The following JAK2 variants were observed in gnomAD, a reference collection of about 807,000 sequenced individuals.
JAK2 encodes the protein Janus kinase 2, also known as tyrosine-protein kinase JAK2.
In JAK2, 86 loss-of-function variants were observed where a neutral mutation model predicts 139.3. That is an observed-to-expected ratio of 0.62 (90% CI 0.52 to 0.74). The LOEUF is 0.74. Among genes scored for constraint, JAK2 ranks in the 30% least tolerant of loss-of-function variants. JAK2 has a pLI of 0.00. For synonymous variants in JAK2, 490 were observed against 437.7 expected (o/e 1.12, Z -1.49); for missense variants, 1,421 against 1,360.3 (o/e 1.04, Z -0.70).
At chr9:5,079,114 T>G (rs921603427) in intron 16 of JAK2, among the ~76,000 whole-genome samples, 3 of 152,208 alleles carry the variant, frequency 2.0e-5, no homozygotes, top group African/African-American at 7.2e-5. Flanking sequence ...ATGACTTATC[T>G]GACAGTGAAG....
At chr9:5,049,465 AT>A (rs1022733760) in intron 5 of JAK2, among the ~76,000 whole-genome samples, 10 of 152,044 alleles carry the variant, frequency 6.6e-5, no homozygotes, top group African/African-American at 2.2e-4. Flanking sequence ...TCCATCATAC[AT>A]TTCTTTATTT....
intron 22 of JAK2, among the ~76,000 whole-genome samples, chr9:5,092,143 C>A (rs928941807): frequency 2.0e-5 from 3 of 152,072 alleles, no homozygotes; most frequent in African/African-American, 7.2e-5. Context: ...ACGTGTAGCT[C>A]ATGAGGTGGC....
At chr9:5,021,921 C>T (rs1162868036) in intron 2 of JAK2, 42 bp from the exon 3 acceptor site, 1 of 1,216,376 alleles carries the variant, frequency 8.2e-7, no homozygotes, top group East Asian at 2.4e-5. Context: ...GTGTGAGACA[C>T]TGCGCCCAGC....
intron 8 of JAK2, among the ~76,000 whole-genome samples, chr9:5,058,707 T>C (rs1481325103): frequency 8.5e-5 from 13 of 152,204 alleles, no homozygotes; most frequent in African/African-American, 2.2e-4. Flanking sequence ...AAACTTGTTA[T>C]TTTCTGTTTT....
rs77779115 is a variant in JAK2, at chr9:5,090,534, C to A, written c.2850C>A (p.His950Gln). ...AAAAACATAAAGAACGGATAGATCACATAAAACTTCTGCAGTACACATCTC... is the reference window on the plus strand; with the variant it reads ...AAAAACATAAAGAACGGATAGATCAAATAAAACTTCTGCAGTACACATCTC... ...YLQKHKERID[H>Q]IKLLQYTSQI... Residue 950 changes from histidine to glutamine, a missense_variant, in exon 21 of 25, where the codon CAC (histidine) becomes CAA (glutamine). Transcript: ENST00000381652. 5 of 1,596,732 alleles carry A rather than the reference C, an allele frequency of 3.1e-6. No homozygotes were observed. Among genetic ancestry groups the A allele is most frequent in the Non-Finnish European group, 4.3e-6 (5 of 1,171,262 alleles).
Position 5,102,981 on chromosome 9 carries a change from A to G in JAK2, c.3059+12070A>G, listed in dbSNP as rs139857913. 1.5e-3 allele frequency among the ~76,000 whole-genome samples: 234 copies of G among 152,270 alleles called. 1 individual carries two copies. Among genetic ancestry groups the G allele is most frequent in the African/African-American group, 5.2e-3 (217 of 41,538 alleles). On this transcript the variant is annotated intron_variant, in intron 22 of 24. Transcript: ENST00000381652. ...ACCATCGATGATAGGAAGAAACAGCATCAACTAACGGGCAAAATAACCAGC... is the reference window on the plus strand; with the variant it reads ...ACCATCGATGATAGGAAGAAACAGCGTCAACTAACGGGCAAAATAACCAGC...
intron 6 of JAK2, among the ~76,000 whole-genome samples, chr9:5,053,659 T>G (rs1563960026): frequency 6.6e-6 from 1 of 152,070 alleles, no homozygotes; most frequent in Non-Finnish European, 1.5e-5. Flanking sequence ...TGGAAATGGC[T>G]ATGTACATGC....
At chr9:5,056,127 A>T (rs182200085) in intron 8 of JAK2, among the ~76,000 whole-genome samples, 1 of 152,138 alleles carries the variant, frequency 6.6e-6, no homozygotes, top group East Asian at 1.9e-4. Context: ...ATCAACAGGG[A>T]TGTATATGTG....
chr9:5,032,889 G>T (rs562405166), intron 4 of JAK2, among the ~76,000 whole-genome samples: 1 of 152,208 alleles, frequency 6.6e-6, no homozygotes, highest in Non-Finnish European at 1.5e-5. Flanking sequence ...GAACAAAGCC[G>T]GATGGAGAAT....
intron 18 of JAK2, among the ~76,000 whole-genome samples, chr9:5,081,285 T>TA (rs1336985790): frequency 2.0e-5 from 3 of 152,138 alleles, no homozygotes; most frequent in Admixed American, 1.3e-4. Context: ...AATTGACTTT[T>TA]AAAAAACAAT....
intron 2 of JAK2, among the ~76,000 whole-genome samples, chr9:5,021,628 T>C (rs1351329007): frequency 6.6e-6 from 1 of 152,186 alleles, no homozygotes; most frequent in Non-Finnish European, 1.5e-5. Context: ...ACTTTATTTA[T>C]TTATGTATTC....
intron 3 of JAK2, among the ~76,000 whole-genome samples, chr9:5,027,176 G>C (rs1587843482): frequency 6.6e-6 from 1 of 152,148 alleles, no homozygotes; most frequent in East Asian, 1.9e-4. Context: ...GCTTGAAAGA[G>C]TCTCAGCAGT....
At position 5,129,251 on chromosome 9, in the gene JAK2, C is replaced by T. The variant is rs1165483304; in HGVS notation, c.*2460C>T. Among the ~76,000 whole-genome samples, 2 of 152,024 alleles carry T rather than the reference C, an allele frequency of 1.3e-5. No homozygotes were observed. The highest frequency in any genetic ancestry group is 1.3e-4 in the Admixed American group (2 of 15,270). Reference sequence around the variant, plus strand: ...AGCCTATGTTAATTTCTTTAGCATGCTCCCCCTAAATTGAAATAGTGATGT... The same window carrying T: ...AGCCTATGTTAATTTCTTTAGCATGTTCCCCCTAAATTGAAATAGTGATGT... On this transcript the variant is annotated 3_prime_UTR_variant, in exon 25 of 25. Coordinates refer to ENST00000381652, the MANE Select transcript of JAK2 (RefSeq NM_004972.4).
intron 2 of JAK2, among the ~76,000 whole-genome samples, chr9:5,019,637 A>T (rs1406676474): frequency 6.6e-6 from 1 of 152,166 alleles, no homozygotes; most frequent in African/African-American, 2.4e-5. Context: ...CTTCTTTGAT[A>T]TCCACACATC....
chr9:5,025,854 A>C (rs1215028570), intron 3 of JAK2, among the ~76,000 whole-genome samples: 2 of 152,208 alleles, frequency 1.3e-5, no homozygotes, highest in Non-Finnish European at 2.9e-5. Flanking sequence ...GTTCTGTTGA[A>C]GTTTTAAATT....
chr9:5,097,140 G>A (rs893353257), intron 22 of JAK2: 1 of 152,028 alleles, frequency 6.6e-6, no homozygotes, highest in African/African-American at 2.4e-5. Context: ...TATTTTAGGA[G>A]CCATTAACTT....
chr9:5,112,620 T>C (rs926746037), intron 22 of JAK2: 3 of 952,556 alleles, frequency 3.1e-6, no homozygotes, highest in Non-Finnish European at 4.6e-6. Flanking sequence ...ATGTGGCAAC[T>C]GCACCTCAAC....
At chr9:5,021,325 C>G (rs997395389) in intron 2 of JAK2, among the ~76,000 whole-genome samples, 1 of 152,170 alleles carries the variant, frequency 6.6e-6, no homozygotes, top group South Asian at 2.1e-4. Context: ...TCTAGTCAAC[C>G]TTCTGGACCC....
chr9:5,034,835 C>G (rs1026930733), intron 4 of JAK2, among the ~76,000 whole-genome samples: 20 of 151,868 alleles, frequency 1.3e-4, no homozygotes, highest in African/African-American at 2.7e-4. Context: ...AACTAGAAAA[C>G]CAAGAGCAAA....
Sources: allele counts gnomAD v4.1 joint callset (sites outside exome capture counted in the v4.1 genomes callset), GRCh38; gene constraint gnomAD v4.1.1; transcripts MANE v1.5; gene names NCBI Gene and HGNC (gene_info 2026-07-23, HGNC 2026-07-21).